Variants in SEMA3E observed in about 807,000 individuals in gnomAD.
The protein encoded by SEMA3E is semaphorin-3E.
SEMA3E carries 49 observed loss-of-function variants against 93.6 expected under a neutral mutation model. The observed-to-expected ratio is 0.52, with a 90% confidence interval of 0.42 to 0.66. The LOEUF (loss-of-function observed/expected upper bound fraction) is 0.66. Ranked by LOEUF, SEMA3E falls within the 30% of genes least tolerant of loss-of-function variation. The pLI, the probability that SEMA3E is intolerant of heterozygous loss-of-function variation, is 0.00. For synonymous variants in SEMA3E, 363 were observed against 330.7 expected, an observed-to-expected ratio of 1.10 and a Z score of -1.06; for missense variants, 906 against 964.8, an observed-to-expected ratio of 0.94 and a Z score of 0.81.
chr7:83,428,136 G>A (rs1038051762), intron 4 of SEMA3E, among the ~76,000 whole-genome samples: 3 of 152,204 alleles, frequency 2.0e-5, no homozygotes, highest in East Asian at 1.9e-4. Context: ...CTTGAGGGAT[G>A]CCCTCAGAAC....
intron 4 of SEMA3E, among the ~76,000 whole-genome samples, chr7:83,453,188 T>C (rs1789399821): frequency 6.6e-6 from 1 of 151,924 alleles, no homozygotes; most frequent in African/African-American, 2.4e-5. Context: ...CCACCACGCC[T>C]GGCTAATTTT....
At chr7:83,530,775 G>A (rs905464468) in intron 1 of SEMA3E, among the ~76,000 whole-genome samples, 2 of 152,060 alleles carry the variant, frequency 1.3e-5, no homozygotes, top group African/African-American at 4.8e-5. Context: ...CTACTAGGGA[G>A]GCTGAGGCAG....
intron 16 of SEMA3E, chr7:83,372,098 A>T (rs1235219033): frequency 1.5e-5 from 6 of 392,910 alleles, no homozygotes; most frequent in Non-Finnish European, 2.2e-5. Context: ...GAACATACTA[A>T]TTCATTTTTA....
intron 5 of SEMA3E, among the ~76,000 whole-genome samples, chr7:83,411,845 T>C (rs1476467951): frequency 6.6e-6 from 1 of 152,192 alleles, no homozygotes. Context: ...GCTTCAGTTA[T>C]AACAGAAGAA....
intron 1 of SEMA3E, among the ~76,000 whole-genome samples, chr7:83,558,566 A>C (rs1305833642): frequency 3.3e-5 from 5 of 152,136 alleles, no homozygotes; most frequent in Non-Finnish European, 7.4e-5. Flanking sequence ...GGAAGAAGAA[A>C]ATAATAGACC....
At chr7:83,606,282 A>G (rs182416897) in intron 1 of SEMA3E, among the ~76,000 whole-genome samples, 2 of 152,326 alleles carry the variant, frequency 1.3e-5, no homozygotes, top group Admixed American at 6.5e-5. Flanking sequence ...TTGCTGATTC[A>G]TTGGCCTTAA....
At chr7:83,525,341 C>A (rs1269494732) in intron 1 of SEMA3E, among the ~76,000 whole-genome samples, 1 of 151,936 alleles carries the variant, frequency 6.6e-6, no homozygotes, top group African/African-American at 2.4e-5. Context: ...GTTATGATGA[C>A]CTGCTTTGGT....
At chr7:83,559,147 A>T (rs575469839) in intron 1 of SEMA3E, among the ~76,000 whole-genome samples, 73 of 152,166 alleles carry the variant, frequency 4.8e-4, no homozygotes, top group Middle Eastern at 3.4e-3. Flanking sequence ...AACAAGTCCA[A>T]ATCTTTGCTA....
intron 1 of SEMA3E, among the ~76,000 whole-genome samples, chr7:83,588,252 G>A (rs1270742455): frequency 6.6e-6 from 1 of 151,852 alleles, no homozygotes; most frequent in Non-Finnish European, 1.5e-5. Context: ...CATGGTGGCG[G>A]GCACCTGTAA....
chr7:83,530,528 G>C (rs572279396), intron 1 of SEMA3E, among the ~76,000 whole-genome samples: 4 of 152,262 alleles, frequency 2.6e-5, no homozygotes, highest in Admixed American at 1.3e-4. Context: ...AAAGGCAGGA[G>C]TAAATTTTAT....
intron 11 of SEMA3E, among the ~76,000 whole-genome samples, chr7:83,398,638 C>A (rs1788173327): frequency 6.6e-6 from 1 of 152,070 alleles, no homozygotes; most frequent in South Asian, 2.1e-4. Context: ...TTTTTTAAAT[C>A]TTTGTTTTAA....
At chr7:83,482,260 A>G (rs991899216) in intron 2 of SEMA3E, among the ~76,000 whole-genome samples, 1 of 152,106 alleles carries the variant, frequency 6.6e-6, no homozygotes, top group East Asian at 1.9e-4. Flanking sequence ...TGGCTGTGAT[A>G]ATAAGCACAG....
At chr7:83,436,458 C>T (rs544406900) in intron 4 of SEMA3E, among the ~76,000 whole-genome samples, 6 of 151,550 alleles carry the variant, frequency 4.0e-5, no homozygotes, top group Middle Eastern at 3.4e-3. Context: ...ACCTCAATTT[C>T]GTTACTTGTT....
chr7:83,477,225 T>C (rs1267411068), intron 2 of SEMA3E, among the ~76,000 whole-genome samples: 7 of 152,142 alleles, frequency 4.6e-5, no homozygotes, highest in Middle Eastern at 3.2e-3. Flanking sequence ...TCTATCTTCA[T>C]AGAATATATT....
chr7:83,607,545 A>G (rs1462047386), intron 1 of SEMA3E, among the ~76,000 whole-genome samples: 1 of 152,208 alleles, frequency 6.6e-6, no homozygotes, highest in Non-Finnish European at 1.5e-5. Flanking sequence ...ATAAGATTCT[A>G]TACAAATATA....
intron 1 of SEMA3E, 29 bp downstream of exon 1, chr7:83,648,397 TTA>T: frequency 1.4e-6 from 2 of 1,436,416 alleles, no homozygotes; most frequent in Non-Finnish European, 9.7e-7. Context: ...TTTTTTTTTT[TTA>T]AACAAAAGGA....
chr7:83,488,542 A>T (rs1171615359), intron 2 of SEMA3E, among the ~76,000 whole-genome samples: 3 of 152,166 alleles, frequency 2.0e-5, no homozygotes, highest in Admixed American at 6.6e-5. Context: ...AGTGGTTTCA[A>T]CCTAGAATTT....
At chr7:83,547,949 C>T (rs2115790183) in intron 1 of SEMA3E, among the ~76,000 whole-genome samples, 1 of 152,162 alleles carries the variant, frequency 6.6e-6, no homozygotes, top group African/African-American at 2.4e-5. Context: ...TAGCATTTCC[C>T]AGTCTGGATG....
chr7:83,507,070 G>C (rs906060359), intron 1 of SEMA3E, among the ~76,000 whole-genome samples: 1 of 152,188 alleles, frequency 6.6e-6, no homozygotes, highest in Non-Finnish European at 1.5e-5. Context: ...CTGGAGGCAA[G>C]AGCAAAATTC....
Sources: gnomAD v4.1 joint callset for allele counts (sites outside exome capture counted in the v4.1 genomes callset) on GRCh38, gnomAD v4.1.1 for gene constraint, MANE v1.5 for transcripts, NCBI Gene and HGNC (gene_info 2026-07-23, HGNC 2026-07-21) for gene names.